The following FKRP variants were observed in gnomAD, a reference collection of about 807,000 sequenced individuals.
FKRP encodes the protein fukutin related protein, also known as ribitol 5-phosphate transferase FKRP.
Under a neutral mutation model 30.6 loss-of-function variants are expected in FKRP, and 25 were observed. The observed-to-expected ratio is 0.82, with a 90% CI of 0.60 to 1.14. FKRP has a LOEUF of 1.14. FKRP is among the 50% of genes most tolerant of loss of function. The pLI is 0.00. For missense variants in FKRP, 771 were observed against 727.8 expected (o/e 1.06, Z -0.68); for synonymous variants, 358 against 342.5 (o/e 1.05, Z -0.50).
At chr19:46,754,709 C>T (rs777385430) in intron 3 of FKRP, among the ~76,000 whole-genome samples, 1 of 151,878 alleles carries the variant, frequency 6.6e-6, no homozygotes, top group South Asian at 2.1e-4. Flanking sequence ...CAGGTTCAAG[C>T]GATTTCCTGC....
intron 3 of FKRP, among the ~76,000 whole-genome samples, chr19:46,752,789 CAG>C (rs2054819236): frequency 6.6e-6 from 1 of 151,934 alleles, no homozygotes; most frequent in African/African-American, 2.4e-5. Context: ...GGCTTGAACA[CAG>C]GAATTCGAGG....
chr19:46,746,505 C>G, intron 1 of FKRP: 1 of 826,574 alleles, frequency 1.2e-6, no homozygotes, highest in South Asian at 5.6e-5. Context: ...CCCCCCCCCT[C>G]CCCCGCCGCA....
At position 46,757,350 on chromosome 19, in the gene FKRP, A is replaced by G; in HGVS notation, c.*412A>G. On this transcript the variant is annotated 3_prime_UTR_variant, in exon 4 of 4. Transcript: ENST00000318584. ...GAAACAGTGCAGGCTCTGGAGCCAG[A>G]CTGGCGAGATTCAAATCCTGGCTCT... is the stretch of plus-strand genomic sequence containing the variant. The G allele has an allele frequency of 4.3e-6, 1 of 230,914 alleles. No individual in the cohort carries two copies. Among genetic ancestry groups the G allele is most frequent in the South Asian group, 7.1e-5 (1 of 14,174 alleles). The allele number at this position is 230,914 out of a possible 1,614,324, so 14.3% of individuals were successfully genotyped here. A position where few individuals can be genotyped will look rare whatever the true frequency, so the allele number is the denominator to read the frequency against.
rs762008480 is a variant in FKRP at position 46,756,908 on chromosome 19, G to A, written c.1458G>A (p.Pro486=). The A allele has an allele frequency of 1.2e-6, 2 of 1,612,884 alleles. No individual in the cohort carries two copies. The highest frequency in any genetic ancestry group is 4.5e-5 in the East Asian group (2 of 44,882). ...TCGAGAACCCCCAGTACCCCAACCCGGCACTGCTGAGTCTGACGGGAAGCG... is the reference window on the plus strand; with the variant it reads ...TCGAGAACCCCCAGTACCCCAACCCAGCACTGCTGAGTCTGACGGGAAGCG... ...GVIENPQYPN[P]ALLSLTGSG The change falls in exon 4 of 4, where the codon CCG becomes CCA. Residue 486 remains proline (P), a synonymous_variant. Transcript: ENST00000318584. The surrounding 1 kb of genome is among the most constrained non-coding windows in gnomAD (Gnocchi z 6.6).
rs2054938348 is a variant in FKRP at position 46,756,812 on chromosome 19, T to C, written c.1362T>C (p.Phe454=). 8.7e-6 allele frequency: 14 copies of C among 1,600,214 alleles called. No individual in the cohort carries two copies. The highest frequency in any genetic ancestry group is 3.5e-5 in the Admixed American group (2 of 57,962). Residue 454 remains phenylalanine (F), a synonymous_variant, in exon 4 of 4, where the codon TTT becomes TTC. Transcript: ENST00000318584. The surrounding 1 kb of genome is among the most constrained non-coding windows in gnomAD (Gnocchi z 6.6). ...TGCAGCCGCTGGTGCCCCTGCCCTTTGCCGGCTTCGTGGCGCAGGCGCCTA... is the reference window on the plus strand; with the variant it reads ...TGCAGCCGCTGGTGCCCCTGCCCTTCGCCGGCTTCGTGGCGCAGGCGCCTA... The part of the protein sequence containing the change: ...HFLQPLVPLP[F]AGFVAQAPNN...
rs2054922317 is a variant in FKRP at position 46,756,352 on chromosome 19, T to C, written c.902T>C (p.Val301Ala). 1.0e-5 allele frequency: 16 copies of C among 1,559,106 alleles called. No homozygotes were observed. The highest frequency in any genetic ancestry group is 1.3e-5 in the Non-Finnish European group (15 of 1,154,840). ...KETTRCFGTV[V>A]GDTPAYLYEE... ...ACCACGCGCTGCTTCGGAACCGTGG[T>C]GGGCGACACGCCCGCCTACCTCTAC... The change falls in exon 4 of 4, where the codon GTG becomes GCG. Residue 301 changes from valine (V) to alanine (A), a missense_variant. Coordinates refer to ENST00000318584, the MANE Select transcript of FKRP (RefSeq NM_024301.5). This position sits in a 1 kb window ranked among gnomAD's most constrained non-coding sequence, Gnocchi z 6.6.
chr19:46,746,269 G>C, intron 1 of FKRP, 179 bp downstream of exon 1: 5 of 1,472,688 alleles, frequency 3.4e-6, no homozygotes, highest in Non-Finnish European at 4.5e-6. Flanking sequence ...CCGTGGGCCC[G>C]GGGCTGCCTC....
At position 46,756,814 on chromosome 19, in the gene FKRP, C is replaced by T. The variant is rs28937903; in HGVS notation, c.1364C>T (p.Ala455Val). 6.3e-7 allele frequency: 1 copy of T among 1,599,548 alleles called. No individual in the cohort carries two copies. Among genetic ancestry groups the T allele is most frequent in the South Asian group, 1.1e-5 (1 of 89,258 alleles). Residue 455 changes from alanine to valine, a missense_variant, in exon 4 of 4, where the codon GCC becomes GTC. Physicochemically the swap from Ala to Val is moderately conservative, Grantham distance 64. Coordinates refer to ENST00000318584, the MANE Select transcript of FKRP (RefSeq NM_024301.5). The surrounding 1 kb of genome is among the most constrained non-coding windows in gnomAD (Gnocchi z 6.6). ...CAGCCGCTGGTGCCCCTGCCCTTTGCCGGCTTCGTGGCGCAGGCGCCTAAC... is the reference window on the plus strand; with the variant it reads ...CAGCCGCTGGTGCCCCTGCCCTTTGTCGGCTTCGTGGCGCAGGCGCCTAAC... ...FLQPLVPLPF[A>V]GFVAQAPNNY...
Position 46,756,836 on chromosome 19 carries a change from T to G in FKRP, c.1386T>G (p.Pro462=), listed in dbSNP as rs776825755. 41 of 1,601,222 alleles carry G rather than the reference T, an allele frequency of 2.6e-5. No individual in the cohort carries two copies. The highest frequency in any genetic ancestry group is 2.7e-5 in the African/African-American group (2 of 74,702). Residue 462 remains proline, a synonymous_variant, in exon 4 of 4, where the codon CCT becomes CCG. Coordinates refer to ENST00000318584, the MANE Select transcript of FKRP (RefSeq NM_024301.5). This position sits in a 1 kb window ranked among gnomAD's most constrained non-coding sequence, Gnocchi z 6.6. ...TTGCCGGCTTCGTGGCGCAGGCGCCTAACAACTACCGCCGCTTCCTGGAGC... is the reference window on the plus strand; with the variant it reads ...TTGCCGGCTTCGTGGCGCAGGCGCCGAACAACTACCGCCGCTTCCTGGAGC... The part of the protein sequence containing the change: ...LPFAGFVAQA[P]NNYRRFLELK...
In FKRP at chr19:46,756,265, T is replaced by C; in HGVS notation, c.815T>C (p.Leu272Pro). 2 of 1,498,482 alleles carry C rather than the reference T, an allele frequency of 1.3e-6. No homozygotes were observed. Among genetic ancestry groups the C allele is most frequent in the Non-Finnish European group, 1.8e-6 (2 of 1,126,966 alleles). 92.8% of individuals were successfully genotyped at this position (1,498,482 alleles called of 1,614,324 possible). Residue 272 changes from leucine (L) to proline (P), a missense_variant, in exon 4 of 4, where the codon CTG becomes CCG. Physicochemically the swap from Leu to Pro is moderately conservative, Grantham distance 98. Coordinates refer to ENST00000318584, the MANE Select transcript of FKRP (RefSeq NM_024301.5). The surrounding 1 kb of genome is among the most constrained non-coding windows in gnomAD (Gnocchi z 6.6). ...RARRAALLRA[L>P]GIRLVSWEGG... ...CGGCGGGCGGCGCTGCTCCGCGCGC[T>C]GGGCATCCGCCTAGTGAGCTGGGAA...
In FKRP at chr19:46,757,317, G is replaced by T. The variant is rs998696113; in HGVS notation, c.*379G>T. ...AGCCCTGCGCTCTAGGGCAGGGGCA[G>T]AGTTTTGGAAACAGTGCAGGCTCTG... On this transcript the variant is annotated 3_prime_UTR_variant, in exon 4 of 4. Transcript: ENST00000318584. 3 of 334,634 alleles carry T rather than the reference G, an allele frequency of 9.0e-6. No homozygotes were observed. The highest frequency in any genetic ancestry group is 3.2e-5 in the South Asian group (1 of 31,444). The allele number at this position is 334,634 out of a possible 1,614,324, so 20.7% of individuals were successfully genotyped here. A position where few individuals can be genotyped will look rare whatever the true frequency, so the allele number is the denominator to read the frequency against.
rs768215450 is a variant in FKRP, at chr19:46,755,575, C to G, written c.125C>G (p.Ala42Gly). ...RNSRARGPRRASAAGPRVTVL... is the reference protein window; with the variant it reads ...RNSRARGPRRGSAAGPRVTVL... ...TCCCGGGCCCGGGGGCCCCGTCGTG[C>G]CTCTGCTGCCGGCCCCCGTGTCACC... Residue 42 changes from alanine (A) to glycine (G), a missense_variant, in exon 4 of 4, where the codon GCC becomes GGC. Ala to Gly is a moderately conservative substitution (Grantham distance 60, BLOSUM62 0). Transcript: ENST00000318584. The G allele has an allele frequency of 3.7e-6, 6 of 1,606,582 alleles. No individual in the cohort carries two copies. The highest frequency in any genetic ancestry group is 4.2e-6 in the Non-Finnish European group (5 of 1,177,106).
At position 46,758,240 on chromosome 19, in the gene FKRP, G is replaced by C. The variant is rs2054965703; in HGVS notation, c.*1302G>C. ...CAGATCGGGGGCTTGAACCCAGGTG[G>C]TCAGGCTCTGGAGCCCACAATTGTC... On this transcript the variant is annotated 3_prime_UTR_variant, in exon 4 of 4. Transcript: ENST00000318584. 1 of 167,058 alleles carries C rather than the reference G, an allele frequency of 6.0e-6. No homozygotes were observed. Among genetic ancestry groups the C allele is most frequent in the African/African-American group, 2.4e-5 (1 of 41,442 alleles). 10.3% of individuals were successfully genotyped at this position (167,058 alleles called of 1,614,324 possible). A position where few individuals can be genotyped will look rare whatever the true frequency, so the allele number is the denominator to read the frequency against.
chr19:46,746,699 G>A (rs2054643453), intron 1 of FKRP: 1 of 152,540 alleles, frequency 6.6e-6, no homozygotes, highest in South Asian at 2.1e-4. Context: ...TCGCTGGAGT[G>A]AGACTGAGGA....
intron 2 of FKRP, among the ~76,000 whole-genome samples, 191 bp from the exon 3 acceptor site, chr19:46,748,324 C>A (rs1463871384): frequency 6.6e-6 from 1 of 151,930 alleles, no homozygotes; most frequent in South Asian, 2.1e-4. Context: ...ATTACAGGCA[C>A]CTGCCACCAC....
chr19:46,755,796 C>G lies in FKRP; in HGVS notation c.346C>G (p.Arg116Gly). The G allele has an allele frequency of 6.6e-7, 1 of 1,517,714 alleles. No individual in the cohort carries two copies. The highest frequency in any genetic ancestry group is 2.5e-5 in the East Asian group (1 of 40,630). The allele number at this position is 1,517,714 out of a possible 1,614,324, so 94.0% of individuals were successfully genotyped here. A position where few individuals can be genotyped will look rare whatever the true frequency, so the allele number is the denominator to read the frequency against. ...PALDRPAAAS[R>G]PETYVATEFV... ...CCTGGACCGGCCAGCCGCAGCCTCG[C>G]GCCCGGAGACCTACGTGGCCACCGA... The change falls in exon 4 of 4, where the codon CGC becomes GGC. Residue 116 changes from arginine to glycine, a missense_variant. Coordinates refer to ENST00000318584, the MANE Select transcript of FKRP (RefSeq NM_024301.5).
At chr19:46,746,189 G>A in intron 1 of FKRP, 99 bp downstream of exon 1, 1 of 1,539,390 alleles carries the variant, frequency 6.5e-7, no homozygotes, top group Non-Finnish European at 8.7e-7. Flanking sequence ...GGCTTTCTCG[G>A]CTTCGAAGCG....
upstream of FKRP, chr19:46,746,002 G>GC (rs2054586511): frequency 7.7e-6 from 8 of 1,038,034 alleles, no homozygotes; most frequent in Non-Finnish European, 1.0e-5. Flanking sequence ...CCCCTCACTC[G>GC]CCCTCCGGGA....
chr19:46,746,487 G>C (rs2054628084), intron 1 of FKRP: 1 of 876,228 alleles, frequency 1.1e-6, no homozygotes, highest in South Asian at 5.5e-5. Flanking sequence ...GCGCGGCCGC[G>C]CCAACACCCC....
Sources: gnomAD v4.1 joint callset for allele counts (sites outside exome capture counted in the v4.1 genomes callset) on GRCh38, gnomAD v4.1.1 for gene constraint, Gnocchi (gnomAD v3.1) non-coding constraint, MANE v1.5 for transcripts, NCBI Gene and HGNC (gene_info 2026-07-23, HGNC 2026-07-21) for gene names.